YWHAQ: variants seen among roughly 807,000 people sequenced by gnomAD.
YWHAQ encodes 14-3-3 protein theta.
Under a neutral mutation model 28.3 loss-of-function variants are expected in YWHAQ, and 6 were observed. The observed-to-expected ratio is 0.21, with a 90% CI of 0.12 to 0.42. YWHAQ has a LOEUF of 0.42. YWHAQ is among the 10% of genes least tolerant of loss of function. YWHAQ has a pLI of 1.00. For missense variants in YWHAQ, 201 were observed against 305.6 expected (o/e 0.66, Z 2.55); for synonymous variants, 143 against 119.1 (o/e 1.20, Z -1.31).
chr2:9,604,256 A>G (rs556318004), intron 2 of YWHAQ, among the ~76,000 whole-genome samples: 133 of 152,182 alleles, frequency 8.7e-4, no homozygotes, highest in African/African-American at 2.9e-3. Flanking sequence ...ATACGGGGGG[A>G]AAAGGTATTC....
intron 2 of YWHAQ, among the ~76,000 whole-genome samples, chr2:9,624,733 A>G (rs1382446354): frequency 6.6e-6 from 1 of 151,752 alleles, no homozygotes; most frequent in Non-Finnish European, 1.5e-5. Context: ...CCTTAAACTT[A>G]CAATATTCTA....
intron 2 of YWHAQ, among the ~76,000 whole-genome samples, chr2:9,603,852 G>C (rs1666764183): frequency 6.6e-6 from 1 of 152,036 alleles, no homozygotes; most frequent in Non-Finnish European, 1.5e-5. Context: ...TTTAACCCAG[G>C]AGGAGGAGGT....
intron 2 of YWHAQ, among the ~76,000 whole-genome samples, chr2:9,596,250 G>C (rs748974272): frequency 6.7e-6 from 1 of 148,168 alleles, no homozygotes; most frequent in East Asian, 2.0e-4. Flanking sequence ...GCTTCCAGAA[G>C]AACAACAAAA....
chr2:9,625,243 C>T lies in YWHAQ; in HGVS notation c.294+4916G>A, dbSNP rs1667227126. Among the ~76,000 whole-genome samples, 5 of 146,190 alleles carry T rather than the reference C, an allele frequency of 3.4e-5. No individual in the cohort carries two copies. In the South Asian group the frequency reaches 1.1e-3, roughly 31 times the overall value. On this transcript the variant is annotated intron_variant, in intron 2 of 5. Transcript: ENST00000238081. The stretch of plus-strand genomic sequence containing the variant: ...CGCCACTGTACCCCAGCCTGGGTGG[C>T]AGAGCAAGACTCCATCACAAAAAAA...
At chr2:9,627,503 C>T (rs1573008969) in intron 2 of YWHAQ, among the ~76,000 whole-genome samples, 2 of 152,184 alleles carry the variant, frequency 1.3e-5, no homozygotes, top group African/African-American at 4.8e-5. Context: ...GTTCAGATCA[C>T]AGACTGGTTA....
In YWHAQ at chr2:9,588,995, G is replaced by A. The variant is rs142315796; in HGVS notation, c.419-667C>T. Among the ~76,000 whole-genome samples, 223 of 152,104 alleles carry A rather than the reference G, an allele frequency of 1.5e-3. 1 individual carries two copies. The highest frequency in any genetic ancestry group is 5.2e-3 in the African/African-American group (216 of 41,498). On this transcript the variant is annotated intron_variant, in intron 3 of 5. Transcript: ENST00000238081. ...AAAATAGCTAGGCATGGTAGTGCGT[G>A]CCTGTAGCTCTAGCTACTTGGGAGG...
At chr2:9,606,337 A>G (rs1315044640) in intron 2 of YWHAQ, among the ~76,000 whole-genome samples, 1 of 152,208 alleles carries the variant, frequency 6.6e-6, no homozygotes, top group Non-Finnish European at 1.5e-5. Context: ...AGGCCAAGGC[A>G]GGCAGACTGC....
At chr2:9,609,327 G>A (rs576408846) in intron 2 of YWHAQ, among the ~76,000 whole-genome samples, 1 of 152,166 alleles carries the variant, frequency 6.6e-6, no homozygotes, top group African/African-American at 2.4e-5. Context: ...TAAAATTGGA[G>A]ATGGACAAAG....
chr2:9,620,767 G>A (rs569434859), intron 2 of YWHAQ: 1 of 152,228 alleles, frequency 6.6e-6, no homozygotes, highest in East Asian at 1.9e-4. Flanking sequence ...TATTCCTAGG[G>A]ATAAGATGGG....
intron 2 of YWHAQ, among the ~76,000 whole-genome samples, chr2:9,594,349 T>C (rs1256033406): frequency 6.6e-6 from 1 of 152,230 alleles, no homozygotes; most frequent in African/African-American, 2.4e-5. Flanking sequence ...TCATGTATTA[T>C]GGATGACTTT....
At chr2:9,610,801 C>T (rs1229755856) in intron 2 of YWHAQ, among the ~76,000 whole-genome samples, 1 of 152,180 alleles carries the variant, frequency 6.6e-6, no homozygotes, top group African/African-American at 2.4e-5. Context: ...AGCCACCGCA[C>T]CCTGCCTACT....
At chr2:9,593,907 T>A (rs201325718) in intron 2 of YWHAQ, among the ~76,000 whole-genome samples, 23,897 of 118,572 alleles carry the variant, frequency 0.2, 2,219 homozygotes, top group Middle Eastern at 0.27. Context: ...TTAAAAAAAA[T>A]ATATATATAT....
At chr2:9,623,218 G>C (rs1396769403) in intron 2 of YWHAQ, among the ~76,000 whole-genome samples, 1 of 152,140 alleles carries the variant, frequency 6.6e-6, no homozygotes, top group African/African-American at 2.4e-5. Flanking sequence ...TAAACCTTCT[G>C]GTCACCAGAT....
chr2:9,620,800 A>C (rs1389489992), intron 2 of YWHAQ: 1 of 152,182 alleles, frequency 6.6e-6, no homozygotes, highest in Non-Finnish European at 1.5e-5. Context: ...AGAAATGGGA[A>C]GGGTGGGGAA....
At chr2:9,603,122 A>G (rs1666748292) in intron 2 of YWHAQ, among the ~76,000 whole-genome samples, 2 of 151,884 alleles carry the variant, frequency 1.3e-5, no homozygotes, top group South Asian at 2.1e-4. Flanking sequence ...TCATATAGCT[A>G]AAGTATAAAC....
chr2:9,606,118 T>C (rs1250933346), intron 2 of YWHAQ, among the ~76,000 whole-genome samples: 1 of 152,206 alleles, frequency 6.6e-6, no homozygotes, highest in Non-Finnish European at 1.5e-5. Flanking sequence ...CCAATCTTGG[T>C]ATTTCCAACT....
intron 2 of YWHAQ, among the ~76,000 whole-genome samples, chr2:9,592,148 C>G (rs935523682): frequency 3.7e-4 from 57 of 152,128 alleles, no homozygotes; most frequent in African/African-American, 1.4e-3. Flanking sequence ...ACTCAGTGCC[C>G]TTTGCATTCA....
chr2:9,627,184 T>C (rs920988512), intron 2 of YWHAQ, among the ~76,000 whole-genome samples: 2 of 152,238 alleles, frequency 1.3e-5, no homozygotes, highest in Admixed American at 6.5e-5. Flanking sequence ...CACACAGTTA[T>C]TTTGAATACA....
intron 2 of YWHAQ, among the ~76,000 whole-genome samples, chr2:9,592,702 G>A (rs1328136305): frequency 6.6e-6 from 1 of 152,116 alleles, no homozygotes; most frequent in Non-Finnish European, 1.5e-5. Context: ...TGCAGCCCGG[G>A]TGACAGTGTG....
Sources: allele counts gnomAD v4.1 joint callset (sites outside exome capture counted in the v4.1 genomes callset), GRCh38; gene constraint gnomAD v4.1.1; transcripts MANE v1.5; gene names NCBI Gene and HGNC (gene_info 2026-07-23, HGNC 2026-07-21).